The following CNTN4 variants were observed in gnomAD, a reference collection of about 807,000 sequenced individuals.
CNTN4 encodes contactin 4.
CNTN4 carries 77 observed loss-of-function variants against 122.5 expected under a neutral mutation model. That is an observed-to-expected ratio of 0.63 (90% confidence interval 0.52 to 0.76). CNTN4 has a LOEUF of 0.76. Among genes scored for constraint, CNTN4 ranks in the 30% least tolerant of loss-of-function variants. CNTN4 has a pLI of 0.00. For synonymous variants in CNTN4, 512 were observed against 447.0 expected (o/e 1.15, Z -1.83); for missense variants, 1,256 against 1,259.1 (o/e 1.00, Z 0.04).
At chr3:2,728,044 G>A (rs1397464676) in intron 4 of CNTN4, among the ~76,000 whole-genome samples, 1 of 152,128 alleles carries the variant, frequency 6.6e-6, no homozygotes, top group East Asian at 1.9e-4. Context: ...TTTCAAGTAG[G>A]CACTTGGGTA....
chr3:2,958,546 C>T (rs905287352), intron 13 of CNTN4, among the ~76,000 whole-genome samples: 2 of 152,142 alleles, frequency 1.3e-5, no homozygotes, highest in African/African-American at 4.8e-5. Context: ...GATTGCTTCC[C>T]TGGTGCAACT....
intron 2 of CNTN4, among the ~76,000 whole-genome samples, chr3:2,260,677 C>T (rs1010841222): frequency 2.6e-5 from 4 of 151,732 alleles, no homozygotes; most frequent in African/African-American, 7.2e-5. Context: ...AATAGAACTT[C>T]CCATTACAGA....
intron 3 of CNTN4, among the ~76,000 whole-genome samples, chr3:2,369,144 C>A (rs1490770708): frequency 6.6e-6 from 1 of 152,012 alleles, no homozygotes; most frequent in Admixed American, 6.5e-5. Flanking sequence ...AGGCTGGTCT[C>A]GAACTCCTGA....
chr3:2,327,433 AAC>A (rs1384283554), intron 2 of CNTN4, among the ~76,000 whole-genome samples: 1 of 152,140 alleles, frequency 6.6e-6, no homozygotes, highest in Non-Finnish European at 1.5e-5. Context: ...TGATATTGTA[AAC>A]ACATATGGAT....
intron 2 of CNTN4, among the ~76,000 whole-genome samples, chr3:2,177,381 C>T (rs1270944880): frequency 6.6e-6 from 1 of 151,988 alleles, no homozygotes; most frequent in Non-Finnish European, 1.5e-5. Flanking sequence ...TTTCCTCTGA[C>T]CCATCAGAAA....
intron 3 of CNTN4, among the ~76,000 whole-genome samples, chr3:2,501,616 C>T (rs1416518109): frequency 2.6e-5 from 4 of 152,196 alleles, no homozygotes; most frequent in Non-Finnish European, 5.9e-5. Flanking sequence ...ACCCTCACTT[C>T]CGTTGTCATA....
At chr3:2,834,608 C>G (rs182103257) in intron 7 of CNTN4, among the ~76,000 whole-genome samples, 21 of 152,144 alleles carry the variant, frequency 1.4e-4, no homozygotes, top group African/African-American at 5.1e-4. Context: ...AAGCTGTAAT[C>G]TATTTAACCA....
At chr3:2,938,743 A>G (rs1317889236) in intron 13 of CNTN4, among the ~76,000 whole-genome samples, 2 of 152,204 alleles carry the variant, frequency 1.3e-5, no homozygotes, top group African/African-American at 4.8e-5. Context: ...GAGAGGTAGG[A>G]TGGTCTGATT....
intron 3 of CNTN4, among the ~76,000 whole-genome samples, chr3:2,570,241 A>G (rs2079361920): frequency 6.6e-6 from 1 of 151,506 alleles, no homozygotes; most frequent in East Asian, 1.9e-4. Context: ...TGGAGTGATT[A>G]TGGCTCACTG....
chr3:2,725,117 A>T (rs572491612), intron 4 of CNTN4, among the ~76,000 whole-genome samples: 1 of 152,316 alleles, frequency 6.6e-6, no homozygotes, highest in African/African-American at 2.4e-5. Flanking sequence ...TTCAGAGCAT[A>T]AAAGAGAGGC....
At chr3:2,706,573 G>A (rs536739057) in intron 4 of CNTN4, among the ~76,000 whole-genome samples, 62 of 152,212 alleles carry the variant, frequency 4.1e-4, no homozygotes, top group African/African-American at 1.4e-3. Flanking sequence ...GAGGTAGAGT[G>A]GGGTGGATAT....
intron 3 of CNTN4, among the ~76,000 whole-genome samples, chr3:2,524,937 G>T (rs149415505): frequency 1.3e-5 from 2 of 152,248 alleles, no homozygotes; most frequent in African/African-American, 4.8e-5. Flanking sequence ...AACACTGTAG[G>T]GAAACTCTCA....
At chr3:2,205,515 G>T (rs184256634) in intron 2 of CNTN4, among the ~76,000 whole-genome samples, 3 of 152,046 alleles carry the variant, frequency 2.0e-5, no homozygotes, top group African/African-American at 7.2e-5. Flanking sequence ...CTGTATTCCT[G>T]GAACTGGTTT....
intron 7 of CNTN4, among the ~76,000 whole-genome samples, chr3:2,864,378 A>G (rs919160310): frequency 1.3e-5 from 2 of 152,132 alleles, no homozygotes; most frequent in East Asian, 3.9e-4. Flanking sequence ...AGCCTCCCGC[A>G]GAATTCAGAG....
At chr3:2,392,096 A>G (rs2046460665) in intron 3 of CNTN4, among the ~76,000 whole-genome samples, 1 of 152,218 alleles carries the variant, frequency 6.6e-6, no homozygotes, top group African/African-American at 2.4e-5. Flanking sequence ...AAATGTTGCT[A>G]CATGACCCCA....
intron 4 of CNTN4, among the ~76,000 whole-genome samples, chr3:2,700,341 G>A (rs1181270626): frequency 6.6e-6 from 1 of 152,110 alleles, no homozygotes; most frequent in Non-Finnish European, 1.5e-5. Context: ...GAAGAGATGG[G>A]GCAAGAATTC....
At chr3:2,196,068 T>C (rs2037818729) in intron 2 of CNTN4, among the ~76,000 whole-genome samples, 1 of 152,208 alleles carries the variant, frequency 6.6e-6, no homozygotes, top group Non-Finnish European at 1.5e-5. Context: ...CTATAACCCA[T>C]GGTATCTATG....
intron 4 of CNTN4, among the ~76,000 whole-genome samples, chr3:2,713,406 G>C (rs1453590771): frequency 6.6e-6 from 1 of 152,180 alleles, no homozygotes; most frequent in African/African-American, 2.4e-5. Context: ...ATTTGATGAA[G>C]AGTGGAAAGT....
At chr3:2,969,039 AT>A (rs60633838) in intron 13 of CNTN4, among the ~76,000 whole-genome samples, 5,750 of 152,278 alleles carry the variant, frequency 0.038, 239 homozygotes, top group African/African-American at 0.1. Flanking sequence ...TTTTTAGTAA[AT>A]TGTACTAAGT....
Sources: gnomAD v4.1 joint callset for allele counts (sites outside exome capture counted in the v4.1 genomes callset) on GRCh38, gnomAD v4.1.1 for gene constraint, MANE v1.5 for transcripts, NCBI Gene and HGNC (gene_info 2026-07-23, HGNC 2026-07-21) for gene names.